The following RTL4 variants were observed in gnomAD, a reference collection of about 807,000 sequenced individuals.
RTL4 encodes retrotransposon Gag like 4.
In RTL4, 4 loss-of-function variants were observed where a neutral mutation model predicts 5.3. The ratio of observed to expected loss-of-function variants is 0.75; its 90% CI spans 0.37 to 1.72. The LOEUF is 1.72. RTL4 is among the 40% of genes most tolerant of loss of function. RTL4 has a pLI of 0.04. For synonymous variants in RTL4, 98 were observed against 87.3 expected (o/e 1.12, Z -0.68); for missense variants, 260 against 227.1 (o/e 1.14, Z -0.93).
At chrX:112,148,123 TG>T in the RTL4 span, among the ~76,000 whole-genome samples, 1 of 110,790 alleles carries the variant, frequency 9.0e-6, no homozygotes, top group African/African-American at 3.3e-5. Context: ...CTTGTAAGAA[TG>T]GGAAGAGCAT....
chrX:112,372,389 C>CA, the RTL4 span, among the ~76,000 whole-genome samples: 1 of 111,420 alleles, frequency 9.0e-6, no homozygotes, highest in African/African-American at 3.3e-5. Flanking sequence ...ATGGACATTA[C>CA]AGCTGTTTCC....
At chrX:112,387,365 T>TC in the RTL4 span, among the ~76,000 whole-genome samples, 1 of 108,258 alleles carries the variant, frequency 9.2e-6, no homozygotes, top group African/African-American at 3.4e-5. Context: ...ATCTTTTTTT[T>TC]TTTTTTTCAC....
At chrX:112,179,336 T>C in the RTL4 span, among the ~76,000 whole-genome samples, 1 of 109,233 alleles carries the variant, frequency 9.2e-6, no homozygotes, top group African/African-American at 3.4e-5. Flanking sequence ...TACTCACATA[T>C]ATAGGGACAT....
the RTL4 span, among the ~76,000 whole-genome samples, chrX:112,416,893 T>C: frequency 9.8e-5 from 11 of 111,780 alleles, no homozygotes; most frequent in East Asian, 3.1e-3. Flanking sequence ...TCATTTCTAA[T>C]TCTTAACACA....
the RTL4 span, among the ~76,000 whole-genome samples, chrX:112,357,243 C>CA: frequency 5.1e-3 from 512 of 100,900 alleles, 1 homozygote; most frequent in Non-Finnish European, 7.9e-3. Context: ...ACTACTTCAC[C>CA]AAAAAAAAAA....
chrX:112,432,245 C>T, the RTL4 span, among the ~76,000 whole-genome samples: 1 of 100,244 alleles, frequency 1.0e-5, no homozygotes, highest in South Asian at 4.6e-4. Flanking sequence ...GGTATATACC[C>T]AGTAATGGGA....
the RTL4 span, among the ~76,000 whole-genome samples, chrX:112,448,563 C>G: frequency 9.0e-6 from 1 of 111,600 alleles, no homozygotes; most frequent in Non-Finnish European, 1.9e-5. Context: ...ATGATGCTCC[C>G]TCTTCTCTGA....
the RTL4 span, among the ~76,000 whole-genome samples, chrX:112,211,451 T>C: frequency 3.6e-5 from 4 of 112,276 alleles, no homozygotes; most frequent in South Asian, 1.5e-3. Flanking sequence ...CATTCGAACA[T>C]TTGCAACAAT....
the RTL4 span, among the ~76,000 whole-genome samples, chrX:112,350,573 C>A: frequency 9.0e-6 from 1 of 111,422 alleles, no homozygotes; most frequent in Admixed American, 9.6e-5. Context: ...AGAGATTCAA[C>A]TTCTTCCTGA....
chrX:112,158,759 A>G, the RTL4 span, among the ~76,000 whole-genome samples: 5 of 111,506 alleles, frequency 4.5e-5, no homozygotes, highest in Non-Finnish European at 7.5e-5. Context: ...TGCTATTATA[A>G]ATAATTATGG....
chrX:112,378,978 T>C, the RTL4 span, among the ~76,000 whole-genome samples: 1 of 112,442 alleles, frequency 8.9e-6, no homozygotes, highest in African/African-American at 3.2e-5. Flanking sequence ...CTATCCTGGG[T>C]ATGGATATGA....
the RTL4 span, among the ~76,000 whole-genome samples, chrX:112,189,210 A>G: frequency 9.0e-6 from 1 of 110,896 alleles, no homozygotes; most frequent in East Asian, 2.8e-4. Flanking sequence ...CCTGGGCAAC[A>G]TAGCGAGACC....
the RTL4 span, among the ~76,000 whole-genome samples, chrX:112,111,751 C>A: frequency 8.9e-6 from 1 of 112,109 alleles, no homozygotes; most frequent in Non-Finnish European, 1.9e-5. Flanking sequence ...CTTTCATATC[C>A]CATTCTCCAC....
At chrX:112,396,557 A>G in the RTL4 span, among the ~76,000 whole-genome samples, 1 of 111,208 alleles carries the variant, frequency 9.0e-6, no homozygotes, top group African/African-American at 3.3e-5. Context: ...AGTTTTAGAC[A>G]TACGGAAAAA....
At chrX:112,397,124 G>A in the RTL4 span, among the ~76,000 whole-genome samples, 71 of 111,682 alleles carry the variant, frequency 6.4e-4, no homozygotes, top group Admixed American at 2.6e-3. Flanking sequence ...GGTGTGGAGC[G>A]TCTACATACA....
At chrX:112,288,570 T>C in the RTL4 span, among the ~76,000 whole-genome samples, 1 of 112,297 alleles carries the variant, frequency 8.9e-6, no homozygotes, top group Non-Finnish European at 1.9e-5. Flanking sequence ...CTCCTTTCAC[T>C]TTGTATCAAT....
chrX:112,323,837 T>C, the RTL4 span, among the ~76,000 whole-genome samples: 1 of 112,394 alleles, frequency 8.9e-6, no homozygotes, highest in Non-Finnish European at 1.9e-5. Flanking sequence ...CTAAAGAGTA[T>C]AGCTTTCCTA....
At chrX:112,352,920 G>T in the RTL4 span, among the ~76,000 whole-genome samples, 1 of 111,297 alleles carries the variant, frequency 9.0e-6, no homozygotes, top group Admixed American at 9.6e-5. Context: ...GAAAATTTTC[G>T]CAATCTACTT....
chrX:112,231,299 A>C, the RTL4 span, among the ~76,000 whole-genome samples: 1 of 110,355 alleles, frequency 9.1e-6, no homozygotes, highest in African/African-American at 3.3e-5. Flanking sequence ...ACTATTCACA[A>C]TAGCAAAGAC....
Sources: gnomAD v4.1 joint callset for allele counts (sites outside exome capture counted in the v4.1 genomes callset) on GRCh38, gnomAD v4.1.1 for gene constraint, MANE v1.5 for transcripts, NCBI Gene and HGNC (gene_info 2026-07-23, HGNC 2026-07-21) for gene names.